The following STARD9 variants were observed in gnomAD, a reference collection of about 807,000 sequenced individuals.
STARD9 encodes stAR-related lipid transfer protein 9.
In STARD9, 346 loss-of-function variants were observed where a neutral mutation model predicts 399.8. The observed-to-expected ratio is 0.87, with a 90% CI of 0.79 to 0.95. The LOEUF is 0.95. STARD9 is among the 40% of genes least tolerant of loss of function. The pLI, the probability that STARD9 is intolerant of heterozygous loss-of-function variation, is 0.00. For missense variants in STARD9, 5,832 were observed against 5,667.5 expected, an observed-to-expected ratio of 1.03 and a Z score of -0.93; for synonymous variants, 2,203 against 2,143.5, an observed-to-expected ratio of 1.03 and a Z score of -0.77.
In STARD9 at chr15:42,691,348, C is replaced by T; in HGVS notation, c.9770C>T (p.Pro3257Leu). Reference protein sequence around the residue: ...AGREEVAVAKPPVSKILSQGF... With the variant: ...AGREEVAVAKLPVSKILSQGF... ...AGAGAGGAGGTGGCTGTGGCCAAGC[C>T]TCCTGTGTCCAAGATTTTATCACAG... The change falls in exon 23 of 33, where the codon CCT becomes CTT. Residue 3257 changes from proline to leucine, a missense_variant. Coordinates refer to ENST00000290607, the MANE Select transcript of STARD9 (RefSeq NM_020759.3). 6.5e-7 allele frequency: 1 copy of T among 1,537,212 alleles called. No individual in the cohort carries two copies. Among genetic ancestry groups the T allele is most frequent in the Non-Finnish European group, 8.7e-7 (1 of 1,146,900 alleles).
chr15:42,620,567 A>C (rs918302597), intron 3 of STARD9, among the ~76,000 whole-genome samples: 7 of 152,114 alleles, frequency 4.6e-5, no homozygotes, highest in African/African-American at 1.7e-4. Context: ...TTGTCCTAGT[A>C]AGATCCTTAC....
chr15:42,586,564 A>G (rs983618058), intron 3 of STARD9, among the ~76,000 whole-genome samples: 21 of 152,324 alleles, frequency 1.4e-4, no homozygotes, highest in African/African-American at 3.6e-4. Flanking sequence ...ATTCACTTCT[A>G]TGGCCACAGA....
intron 26 of STARD9, among the ~76,000 whole-genome samples, chr15:42,704,052 C>T (rs2061024320): frequency 6.6e-6 from 1 of 152,088 alleles, no homozygotes; most frequent in Admixed American, 6.5e-5. Flanking sequence ...GGATTACAGG[C>T]ACCTGACACA....
chr15:42,669,402 CTA>C (rs1047773563), intron 16 of STARD9, 65 bp downstream of exon 16: 2 of 1,356,914 alleles, frequency 1.5e-6, no homozygotes, highest in Admixed American at 4.4e-5. Flanking sequence ...GAGGGAAAAG[CTA>C]GGAGCAGCAG....
intron 4 of STARD9, among the ~76,000 whole-genome samples, chr15:42,636,728 G>A (rs915242569): frequency 5.3e-5 from 8 of 152,060 alleles, no homozygotes; most frequent in South Asian, 2.1e-4. Flanking sequence ...CTCATTGCTC[G>A]CTTTGTCCTG....
intron 7 of STARD9, among the ~76,000 whole-genome samples, chr15:42,641,884 A>C (rs1157164147): frequency 6.6e-6 from 1 of 152,012 alleles, no homozygotes; most frequent in Non-Finnish European, 1.5e-5. Context: ...GATTACAGGC[A>C]TGAGCCACCG....
In STARD9 at chr15:42,582,744, G is replaced by C. The variant is rs186704881; in HGVS notation, c.48-602G>C. 4.9e-4 allele frequency among the ~76,000 whole-genome samples: 74 copies of C among 152,276 alleles called. 2 individuals carry two copies. The East Asian group carries it at 0.011, about 23-fold the overall frequency. On this transcript the variant is annotated intron_variant, in intron 1 of 32. Coordinates refer to ENST00000290607, the MANE Select transcript of STARD9 (RefSeq NM_020759.3). The stretch of plus-strand genomic sequence containing the variant: ...ATCTTGCTCTGTCACTCAGGCTGGG[G>C]TGCAGCATCGTGATCATAGCTTGCT...
chr15:42,691,547 A>G lies in STARD9; in HGVS notation c.9969A>G (p.Thr3323=). 1 of 1,537,164 alleles carries G rather than the reference A, an allele frequency of 6.5e-7. No individual in the cohort carries two copies. ...SGPKHSRSSP[T]PQFSVVGSSR... is the part of the protein sequence containing the mutation. ...CCAAACACTCCAGGTCCTCCCCCAC[A>G]CCACAGTTCTCAGTTGTCGGCTCTT... Residue 3323 remains threonine (T), a synonymous_variant, in exon 23 of 33, where the codon ACA becomes ACG. Coordinates refer to ENST00000290607, the MANE Select transcript of STARD9 (RefSeq NM_020759.3).
At chr15:42,614,109 A>C (rs1378410156) in intron 3 of STARD9, among the ~76,000 whole-genome samples, 1 of 152,046 alleles carries the variant, frequency 6.6e-6, no homozygotes, top group Admixed American at 6.6e-5. Flanking sequence ...TCAGGAGTTC[A>C]AGACTGCCCT....
chr15:42,604,375 T>G (rs2058689130), intron 3 of STARD9, among the ~76,000 whole-genome samples: 1 of 152,168 alleles, frequency 6.6e-6, no homozygotes, highest in South Asian at 2.1e-4. Context: ...CAGCATGCAT[T>G]TACATAAAAA....
chr15:42,692,867 G>A lies in STARD9; in HGVS notation c.11289G>A (p.Gly3763=), dbSNP rs556892873. The change falls in exon 23 of 33, where the codon GGG becomes GGA. Residue 3763 remains glycine (G), a synonymous_variant. Transcript: ENST00000290607. ...AGGGAGCCAATGTGATCCTTGAAGG[G>A]CTAGGCTCAGATACCTCGACTGTGT... ...EPQGANVILE[G]LGSDTSTVSQ... 1.0e-5 allele frequency: 16 copies of A among 1,537,132 alleles called. No individual in the cohort carries two copies. In the Middle Eastern group the frequency reaches 8.3e-4, roughly 80 times the overall value.
chr15:42,597,978 GTGTGTGTGTTTGTATATATATA>G (rs1312368901), intron 3 of STARD9, among the ~76,000 whole-genome samples: 43 of 142,096 alleles, frequency 3.0e-4, no homozygotes, highest in African/African-American at 1.1e-3. Context: ...GCCTGTGTGT[GTGTGTGTGTTTGTATATATATA>G]TGTGTGTGTG....
At chr15:42,617,455 C>A (rs2058990470) in intron 3 of STARD9, among the ~76,000 whole-genome samples, 1 of 152,110 alleles carries the variant, frequency 6.6e-6, no homozygotes, top group African/African-American at 2.4e-5. Context: ...CTACTCCTCC[C>A]AGGTTCAAGG....
At chr15:42,634,512 T>C (rs565065592) in intron 3 of STARD9, among the ~76,000 whole-genome samples, 7 of 152,342 alleles carry the variant, frequency 4.6e-5, no homozygotes, top group African/African-American at 1.7e-4. Context: ...TTAACCATAT[T>C]AAATGTTTTC....
In STARD9 at chr15:42,686,946, C is replaced by T; in HGVS notation, c.5368C>T (p.Gln1790Ter). The change falls in exon 23 of 33, where the codon CAA becomes TAA. Residue 1790 changes from glutamine to a stop codon, truncating the protein, a stop_gained. Transcript: ENST00000290607. LOFTEE classifies it high-confidence loss of function. ...CTTTGGTCACAACCACCAAGCTCTCCAAGGTGCTTATTTGAAGAATAATTT... is the reference window on the plus strand; with the variant it reads ...CTTTGGTCACAACCACCAAGCTCTCTAAGGTGCTTATTTGAAGAATAATTT... ...WGFGHNHQALQGAYLKNNLPV... is the reference protein window; with the variant it reads ...WGFGHNHQAL The T allele has an allele frequency of 6.5e-7, 1 of 1,536,642 alleles. No individual in the cohort carries two copies.
At position 42,687,780 on chromosome 15, in the gene STARD9, C is replaced by A; in HGVS notation, c.6202C>A (p.Gln2068Lys). ...ENGILEIESK[Q>K]NKQVHASHTP... ...TGGCATCTTAGAAATTGAATCTAAG[C>A]AGAATAAGCAGGTTCATGCTTCCCA... The change falls in exon 23 of 33, where the codon CAG becomes AAG. Residue 2068 changes from glutamine to lysine, a missense_variant. Around this residue, in one of 2 missense-constraint regions of STARD9, gnomAD observed 5,828 missense variants for 5,651.1 expected, o/e 1.03. Coordinates refer to ENST00000290607, the MANE Select transcript of STARD9 (RefSeq NM_020759.3). The A allele has an allele frequency of 6.5e-7, 1 of 1,537,356 alleles. No homozygotes were observed. Among genetic ancestry groups the A allele is most frequent in the Non-Finnish European group, 8.7e-7 (1 of 1,146,926 alleles).
In STARD9 at chr15:42,690,565, C is replaced by T. The variant is rs1241507078; in HGVS notation, c.8987C>T (p.Pro2996Leu). The T allele has an allele frequency of 2.6e-6, 4 of 1,537,132 alleles. No homozygotes were observed. Among genetic ancestry groups the T allele is most frequent in the East Asian group, 2.4e-5 (1 of 40,914 alleles). Residue 2996 changes from proline (P) to leucine (L), a missense_variant, in exon 23 of 33, where the codon CCA becomes CTA. By Grantham distance (98) the Pro-to-Leu change is moderately conservative (BLOSUM62 -3). Around this residue, in one of 2 missense-constraint regions of STARD9, gnomAD observed 5,828 missense variants for 5,651.1 expected, o/e 1.03. Coordinates refer to ENST00000290607, the MANE Select transcript of STARD9 (RefSeq NM_020759.3). ...PFKAAPHTIH[P>L]PCVVPSRAYE... ...AAGGCTGCCCCACATACTATCCACC[C>T]ACCCTGTGTAGTACCTTCCAGGGCC... is the stretch of plus-strand genomic sequence containing the variant.
Position 42,652,560 on chromosome 15 carries a change from T to C in STARD9, c.670T>C (p.Ser224Pro). ...ATHVHEASSRSHAIFTIHYTQ... is the reference protein window; with the variant it reads ...ATHVHEASSRPHAIFTIHYTQ... ...CCATGTTCATGAGGCCAGCAGCAGA[T>C]CCCACGCCATTTTCACGATCCACTA... is the stretch of plus-strand genomic sequence containing the variant. Residue 224 changes from serine to proline, a missense_variant, in exon 9 of 33, where the codon TCC (serine) becomes CCC (proline). Ser to Pro is a moderately conservative substitution (Grantham distance 74, BLOSUM62 -1). Around this residue, in one of 2 missense-constraint regions of STARD9, gnomAD observed 5,828 missense variants for 5,651.1 expected, o/e 1.03. Coordinates refer to ENST00000290607, the MANE Select transcript of STARD9 (RefSeq NM_020759.3). 2 of 1,537,146 alleles carry C rather than the reference T, an allele frequency of 1.3e-6. No individual in the cohort carries two copies. Among genetic ancestry groups the C allele is most frequent in the Non-Finnish European group, 8.7e-7 (1 of 1,146,750 alleles).
chr15:42,700,952 G>T (rs2060951983), intron 26 of STARD9, among the ~76,000 whole-genome samples: 1 of 152,108 alleles, frequency 6.6e-6, no homozygotes, highest in Admixed American at 6.5e-5. Context: ...AGAGATAGGG[G>T]TCTAGTTTCT....
Sources: allele counts gnomAD v4.1 joint callset (sites outside exome capture counted in the v4.1 genomes callset), GRCh38; gene constraint gnomAD v4.1.1; regional missense constraint gnomAD v4.1.1; transcripts MANE v1.5; gene names NCBI Gene and HGNC (gene_info 2026-07-23, HGNC 2026-07-21).